The following KIAA1549L variants were observed in gnomAD, a reference collection of about 807,000 sequenced individuals.
The protein encoded by KIAA1549L is UPF0606 protein KIAA1549L.
A neutral mutation model predicts 160.7 loss-of-function variants in KIAA1549L; 88 were observed. That is an observed-to-expected ratio of 0.55 (90% CI 0.46 to 0.65). The LOEUF is 0.65. KIAA1549L is among the 30% of genes least tolerant of loss of function. The probability of loss-of-function intolerance (pLI) is 0.00; values close to 1 mark genes in which losing one functional copy is unlikely to be tolerated. For missense variants in KIAA1549L, 2,258 were observed against 2,437.5 expected, an observed-to-expected ratio of 0.93 and a Z score of 1.55; for synonymous variants, 950 against 976.7, an observed-to-expected ratio of 0.97 and a Z score of 0.51.
At chr11:33,642,810 A>G (rs1328501474) in intron 16 of KIAA1549L, among the ~76,000 whole-genome samples, 4 of 152,240 alleles carry the variant, frequency 2.6e-5, no homozygotes, top group African/African-American at 4.8e-5. Context: ...GCATACTGAC[A>G]TACTGATTCT....
At chr11:33,487,402 C>CTTTT (rs112165825) in intron 1 of KIAA1549L, among the ~76,000 whole-genome samples, 1 of 85,540 alleles carries the variant, frequency 1.2e-5, no homozygotes, top group Non-Finnish European at 2.5e-5. Context: ...GTCTATTGTT[C>CTTTT]TTTTTTTTTT....
chr11:33,637,657 A>G (rs1851472193), intron 16 of KIAA1549L, among the ~76,000 whole-genome samples: 1 of 152,194 alleles, frequency 6.6e-6, no homozygotes, highest in Admixed American at 6.5e-5. Context: ...GAGGGCCATG[A>G]GGGAAGGATG....
Position 33,408,987 on chromosome 11 carries a change from C to T in KIAA1549L, c.238+32098C>T, listed in dbSNP as rs887119110. ...AAAAAAAAAATTAGGTATCCTTAAA[C>T]TGCACTTGAAAAAAAGTCAGCAACT... is the stretch of plus-strand genomic sequence containing the variant. On this transcript the variant is annotated intron_variant, in intron 1 of 20. Transcript: ENST00000658780. 1.1e-4 allele frequency among the ~76,000 whole-genome samples: 16 copies of T among 140,614 alleles called. No individual in the cohort carries two copies. In the South Asian group the frequency reaches 1.2e-3, roughly 11 times the overall value. 92.2% of individuals were successfully genotyped at this position (140,614 alleles called of 152,430 possible).
At position 33,656,018 on chromosome 11, in the gene KIAA1549L, A is replaced by G; in HGVS notation, c.5767A>G (p.Arg1923Gly). 6.2e-7 allele frequency: 1 copy of G among 1,613,152 alleles called. No homozygotes were observed. The highest frequency in any genetic ancestry group is 1.3e-5 in the African/African-American group (1 of 75,026). The change falls in exon 18 of 21, where the codon AGG (arginine) becomes GGG (glycine). Residue 1923 changes from arginine to glycine, a missense_variant. Transcript: ENST00000658780. The stretch of plus-strand genomic sequence containing the variant: ...TTGCTTGTCTCTTTCACAGGCTTAC[A>G]GGTTTTCCCAGCTTCCTGAGATGGT... ...YQYSLPRPAY[R>G]FSQLPEMVMG...
intron 1 of KIAA1549L, among the ~76,000 whole-genome samples, chr11:33,462,546 A>G (rs1851961689): frequency 1.3e-5 from 2 of 152,146 alleles, no homozygotes; most frequent in South Asian, 4.1e-4. Flanking sequence ...TTATCAATCT[A>G]TGTCCATCTT....
chr11:33,653,682 CCTT>C (rs1281417044), intron 17 of KIAA1549L, among the ~76,000 whole-genome samples: 1 of 152,050 alleles, frequency 6.6e-6, no homozygotes, highest in Admixed American at 6.5e-5. Context: ...TCTTTGTTTT[CCTT>C]CTTCTCTCCT....
intron 1 of KIAA1549L, among the ~76,000 whole-genome samples, chr11:33,408,579 A>G (rs188949896): frequency 2.0e-5 from 3 of 150,954 alleles, no homozygotes; most frequent in Admixed American, 6.6e-5. Context: ...CTACACACAG[A>G]TGCCTCATGT....
chr11:33,452,575 G>A (rs1040587348), intron 1 of KIAA1549L, among the ~76,000 whole-genome samples: 1 of 152,082 alleles, frequency 6.6e-6, no homozygotes. Context: ...ACCACTGCAC[G>A]CCAGCCTGGG....
intron 6 of KIAA1549L, among the ~76,000 whole-genome samples, chr11:33,553,849 T>A (rs919715492): frequency 5.3e-5 from 8 of 152,210 alleles, no homozygotes; most frequent in Non-Finnish European, 1.5e-5. Context: ...TTAAGAAGCC[T>A]CCTTGTGTTG....
At chr11:33,574,559 T>C in intron 9 of KIAA1549L, 143 bp from the exon 10 acceptor site, 1 of 618,684 alleles carries the variant, frequency 1.6e-6, no homozygotes, top group Non-Finnish European at 2.7e-6. Context: ...CTTGAGAGGC[T>C]GGATATAGGG....
intron 1 of KIAA1549L, among the ~76,000 whole-genome samples, chr11:33,465,703 A>G (rs1413217080): frequency 6.6e-6 from 1 of 152,208 alleles, no homozygotes; most frequent in African/African-American, 2.4e-5. Flanking sequence ...ATCTACAACC[A>G]TCGGATCTTC....
chr11:33,483,666 A>G (rs1472978218), intron 1 of KIAA1549L, among the ~76,000 whole-genome samples: 10 of 152,024 alleles, frequency 6.6e-5, no homozygotes, highest in Non-Finnish European at 1.2e-4. Flanking sequence ...GAGATAACTG[A>G]ATCATGGGGG....
intron 1 of KIAA1549L, among the ~76,000 whole-genome samples, chr11:33,513,041 T>G (rs576592123): frequency 6.6e-6 from 1 of 152,188 alleles, no homozygotes; most frequent in African/African-American, 2.4e-5. Flanking sequence ...TGATGTGGTG[T>G]AATCAACCTC....
chr11:33,597,577 C>T (rs1296377021), intron 12 of KIAA1549L, among the ~76,000 whole-genome samples: 5 of 152,296 alleles, frequency 3.3e-5, no homozygotes, highest in African/African-American at 4.8e-5. Flanking sequence ...ACCTGCCTCC[C>T]GCTTGTCTCC....
chr11:33,631,611 C>G (rs1298383537), intron 16 of KIAA1549L, among the ~76,000 whole-genome samples: 19 of 152,190 alleles, frequency 1.2e-4, no homozygotes, highest in Admixed American at 1.2e-3. Flanking sequence ...GGTGGTCAAA[C>G]CTGCTCCTGG....
chr11:33,476,845 C>G (rs968119428), intron 1 of KIAA1549L, among the ~76,000 whole-genome samples: 1 of 152,224 alleles, frequency 6.6e-6, no homozygotes, highest in Non-Finnish European at 1.5e-5. Context: ...TTCACAAAAC[C>G]TATTCCTACT....
At position 33,653,194 on chromosome 11, in the gene KIAA1549L, C is replaced by A. The variant is rs368380773; in HGVS notation, c.5761-2818C>A. ...TGGGGGACTACTGTAATAAGACAGA[C>A]CTGGTTACTGCACTCCAAGGCATTT... is the stretch of plus-strand genomic sequence containing the variant. On this transcript the variant is annotated intron_variant, in intron 17 of 20. Coordinates refer to ENST00000658780, the MANE Select transcript of KIAA1549L (RefSeq NM_012194.3). Among the ~76,000 whole-genome samples the A allele has an allele frequency of 2.6e-5, 4 of 152,260 alleles. No individual in the cohort carries two copies. In the East Asian group the frequency reaches 7.7e-4, roughly 29 times the overall value.
chr11:33,396,384 A>G (rs1051881165), intron 1 of KIAA1549L, among the ~76,000 whole-genome samples: 3 of 152,258 alleles, frequency 2.0e-5, no homozygotes, highest in Non-Finnish European at 4.4e-5. Flanking sequence ...CACATAACTA[A>G]AATAAATAGA....
chr11:33,606,197 C>T (rs181354720), intron 13 of KIAA1549L, among the ~76,000 whole-genome samples: 30 of 152,200 alleles, frequency 2.0e-4, no homozygotes, highest in African/African-American at 7.2e-4. Flanking sequence ...ACTTTAACAT[C>T]TTGTAAAGAT....
Sources: allele counts gnomAD v4.1 joint callset (sites outside exome capture counted in the v4.1 genomes callset), GRCh38; gene constraint gnomAD v4.1.1; transcripts MANE v1.5; gene names NCBI Gene and HGNC (gene_info 2026-07-23, HGNC 2026-07-21).